RFTN1: variants seen among roughly 807,000 people sequenced by gnomAD.
The protein encoded by RFTN1 is raftlin, lipid raft linker 1.
Under a neutral mutation model 46.5 loss-of-function variants are expected in RFTN1, and 26 were observed. The observed-to-expected ratio is 0.56, with a 90% CI of 0.41 to 0.78. The LOEUF is 0.78. Among genes scored for constraint, RFTN1 ranks in the 30% least tolerant of loss-of-function variants. The probability of loss-of-function intolerance (pLI) is 0.00; values close to 1 mark genes in which losing one functional copy is unlikely to be tolerated. For synonymous variants in RFTN1, 261 were observed against 284.2 expected (o/e 0.92, Z 0.82); for missense variants, 693 against 718.7 (o/e 0.96, Z 0.41).
intron 2 of RFTN1, among the ~76,000 whole-genome samples, chr3:16,436,333 A>C (rs939228980): frequency 6.7e-6 from 1 of 149,836 alleles, no homozygotes; most frequent in Non-Finnish European, 1.5e-5. Flanking sequence ...CTTTGCATAT[A>C]GTGGGTTTTG....
At chr3:16,372,244 A>G (rs534562436) in intron 5 of RFTN1, among the ~76,000 whole-genome samples, 244 of 152,280 alleles carry the variant, frequency 1.6e-3, no homozygotes, top group Middle Eastern at 3.4e-3. Flanking sequence ...GCATGTTACC[A>G]CTGGGGCAGC....
Position 16,460,732 on chromosome 3 carries a change from A to T in RFTN1, c.146-26695T>A, listed in dbSNP as rs1326655296. Among the ~76,000 whole-genome samples the T allele has an allele frequency of 6.6e-6, 1 of 152,194 alleles. No individual in the cohort carries two copies. The highest frequency in any genetic ancestry group is 1.5e-5 in the Non-Finnish European group (1 of 68,034). On this transcript the variant is annotated intron_variant, in intron 2 of 9. Coordinates refer to ENST00000334133, the MANE Select transcript of RFTN1 (RefSeq NM_015150.2). This position sits in a 1 kb window ranked among gnomAD's most constrained non-coding sequence, Gnocchi z 4.8. ...AGACGTCACTTGAGCCTCATTTTCC[A>T]TGCCAAAATTCAGGATTTAAGGTCT...
rs1033297468 is a variant in RFTN1 at position 16,499,985 on chromosome 3, G to A, written c.-8-6108C>T. ...ACATGTAGGATGTCCAGATACTGCC[G>A]CCATGAAAAGTGTATGGAAAGTGAG... On this transcript the variant is annotated intron_variant, in intron 1 of 9. Transcript: ENST00000334133. The surrounding 1 kb of genome is among the most constrained non-coding windows in gnomAD (Gnocchi z 4.9). Among the ~76,000 whole-genome samples the A allele has an allele frequency of 5.9e-5, 9 of 152,150 alleles. No individual in the cohort carries two copies. Among genetic ancestry groups the A allele is most frequent in the South Asian group, 4.1e-4 (2 of 4,826 alleles).
intron 2 of RFTN1, among the ~76,000 whole-genome samples, chr3:16,435,372 C>T (rs2075484172): frequency 6.6e-6 from 1 of 152,148 alleles, no homozygotes; most frequent in African/African-American, 2.4e-5. Context: ...AGTTTGAGAC[C>T]AGCCTGGCCA....
At chr3:16,365,472 A>G (rs2073101801) in intron 6 of RFTN1, among the ~76,000 whole-genome samples, 1 of 152,202 alleles carries the variant, frequency 6.6e-6, no homozygotes, top group Non-Finnish European at 1.5e-5. Flanking sequence ...TAAAACATGT[A>G]CATGTGTTTT....
At chr3:16,408,594 T>C (rs1414035436) in intron 4 of RFTN1, among the ~76,000 whole-genome samples, 1 of 145,084 alleles carries the variant, frequency 6.9e-6, no homozygotes, top group East Asian at 2.0e-4. Context: ...GACCCTACAG[T>C]TAGGCACAAA....
rs1232985408 is a variant in RFTN1, at chr3:16,449,686, C to G, written c.146-15649G>C. ...CATCAATATTCTTCAGCTTTCACAA[C>G]TGACTTTGATTTCTCAGTCATTTCT... is the stretch of plus-strand genomic sequence containing the variant. On this transcript the variant is annotated intron_variant, in intron 2 of 9. Coordinates refer to ENST00000334133, the MANE Select transcript of RFTN1 (RefSeq NM_015150.2). This position sits in a 1 kb window ranked among gnomAD's most constrained non-coding sequence, Gnocchi z 5.1. Among the ~76,000 whole-genome samples the G allele has an allele frequency of 6.6e-6, 1 of 152,238 alleles. No homozygotes were observed. The highest frequency in any genetic ancestry group is 2.4e-5 in the African/African-American group (1 of 41,462).
intron 7 of RFTN1, among the ~76,000 whole-genome samples, chr3:16,332,746 A>G (rs367905305): frequency 2.6e-5 from 4 of 152,174 alleles, no homozygotes; most frequent in African/African-American, 7.2e-5. Context: ...AGATTCCTCT[A>G]TCTACTTTCC....
In RFTN1 at chr3:16,340,264, C is replaced by T. The variant is rs539228062; in HGVS notation, c.1147-13388G>A. 7.2e-5 allele frequency among the ~76,000 whole-genome samples: 11 copies of T among 152,296 alleles called. No homozygotes were observed. In the South Asian group the frequency reaches 1.9e-3, roughly 26 times the overall value. ...GTACATTAACAAATATGATGCAAAC[C>T]GCAGCATGAAATAAGCTAGCACATT... On this transcript the variant is annotated intron_variant, in intron 7 of 9. Coordinates refer to ENST00000334133, the MANE Select transcript of RFTN1 (RefSeq NM_015150.2).
At chr3:16,496,668 C>T (rs1029083485) in intron 1 of RFTN1, among the ~76,000 whole-genome samples, 2 of 152,188 alleles carry the variant, frequency 1.3e-5, no homozygotes, top group Non-Finnish European at 2.9e-5. Flanking sequence ...GGAAAACTGA[C>T]AATATGTTGG....
chr3:16,409,153 C>T (rs1322236439), intron 4 of RFTN1, among the ~76,000 whole-genome samples: 1 of 152,252 alleles, frequency 6.6e-6, no homozygotes, highest in African/African-American at 2.4e-5. Context: ...CTGGAAAAGA[C>T]AGGACCCGGG....
intron 9 of RFTN1, among the ~76,000 whole-genome samples, chr3:16,318,671 T>C (rs2068702519): frequency 2.0e-5 from 3 of 152,184 alleles, no homozygotes; most frequent in African/African-American, 7.2e-5. Flanking sequence ...TCCATTAAAG[T>C]AGAGAAACAT....
chr3:16,497,354 C>T (rs1327649052), intron 1 of RFTN1, among the ~76,000 whole-genome samples: 4 of 152,208 alleles, frequency 2.6e-5, no homozygotes, highest in Non-Finnish European at 2.9e-5. Flanking sequence ...AAAACTGAAG[C>T]AATATTTACA....
chr3:16,492,980 C>A (rs1406761747), intron 2 of RFTN1, among the ~76,000 whole-genome samples: 1 of 152,218 alleles, frequency 6.6e-6, no homozygotes, highest in Non-Finnish European at 1.5e-5. Flanking sequence ...TGGTAGGTGA[C>A]CCGACTCCCT....
At position 16,460,507 on chromosome 3, in the gene RFTN1, A is replaced by C. The variant is rs1266263171; in HGVS notation, c.146-26470T>G. Among the ~76,000 whole-genome samples the C allele has an allele frequency of 1.3e-5, 2 of 152,168 alleles. No homozygotes were observed. Among genetic ancestry groups the C allele is most frequent in the Non-Finnish European group, 2.9e-5 (2 of 68,038 alleles). ...CCTGGGCAAGCAAAGTGAAGTGGGA[A>C]ATAAAATAGTTGGATCAATGACGTC... On this transcript the variant is annotated intron_variant, in intron 2 of 9. Coordinates refer to ENST00000334133, the MANE Select transcript of RFTN1 (RefSeq NM_015150.2). The surrounding 1 kb of genome is among the most constrained non-coding windows in gnomAD (Gnocchi z 4.8).
At chr3:16,469,492 G>A (rs1247316466) in intron 2 of RFTN1, among the ~76,000 whole-genome samples, 1 of 152,234 alleles carries the variant, frequency 6.6e-6, no homozygotes, top group Non-Finnish European at 1.5e-5. Flanking sequence ...AAGACAAGCT[G>A]ACACCAAGAG....
chr3:16,467,892 C>G (rs989260431), intron 2 of RFTN1, among the ~76,000 whole-genome samples: 1 of 152,150 alleles, frequency 6.6e-6, no homozygotes, highest in African/African-American at 2.4e-5. Context: ...TCCCTCACCC[C>G]ACTCGTGCAT....
chr3:16,356,191 C>T lies in RFTN1; in HGVS notation c.1146+1741G>A, dbSNP rs1295770007. On this transcript the variant is annotated intron_variant, in intron 7 of 9. Transcript: ENST00000334133. This position sits in a 1 kb window ranked among gnomAD's most constrained non-coding sequence, Gnocchi z 4.9. ...GGTCCTGAGAGGTGACAGGACCTGC[C>T]CACACTCGCTTGGCATCTTGGACTG... 1.3e-5 allele frequency among the ~76,000 whole-genome samples: 2 copies of T among 152,184 alleles called. No individual in the cohort carries two copies. Among genetic ancestry groups the T allele is most frequent in the African/African-American group, 4.8e-5 (2 of 41,436 alleles).
At chr3:16,326,344 C>CTCAGCTGCAAAATGGG (rs1355520957) in intron 8 of RFTN1, among the ~76,000 whole-genome samples, 1 of 152,250 alleles carries the variant, frequency 6.6e-6, no homozygotes, top group East Asian at 1.9e-4. Flanking sequence ...CTACACTTTC[C>CTCAGCTGCAAAATGGG]TCAGCTGCAA....
Sources: gnomAD v4.1 joint callset for allele counts (sites outside exome capture counted in the v4.1 genomes callset) on GRCh38, gnomAD v4.1.1 for gene constraint, Gnocchi (gnomAD v3.1) non-coding constraint, MANE v1.5 for transcripts, NCBI Gene and HGNC (gene_info 2026-07-23, HGNC 2026-07-21) for gene names.